The following THRB variants were observed in gnomAD, a reference collection of about 807,000 sequenced individuals.
THRB encodes nuclear receptor subfamily 1 group A member 2.
A neutral mutation model predicts 47.8 loss-of-function variants in THRB; 12 were observed. The ratio of observed to expected loss-of-function variants is 0.25; its 90% CI spans 0.16 to 0.41. The LOEUF (loss-of-function observed/expected upper bound fraction) is 0.41. Among genes scored for constraint, THRB ranks in the 10% least tolerant of loss-of-function variants. THRB has a pLI of 1.00. For missense variants in THRB, 348 were observed against 589.2 expected, an observed-to-expected ratio of 0.59 and a Z score of 4.24; for synonymous variants, 218 against 212.2, an observed-to-expected ratio of 1.03 and a Z score of -0.24.
intron 1 of THRB, among the ~76,000 whole-genome samples, chr3:24,425,266 T>A (rs1489087967): frequency 6.6e-6 from 1 of 151,868 alleles, no homozygotes; most frequent in Non-Finnish European, 1.5e-5. Context: ...GTACCACAGT[T>A]CTTGCTATAT....
intron 3 of THRB, among the ~76,000 whole-genome samples, chr3:24,246,100 A>T (rs1461861209): frequency 1.3e-5 from 2 of 152,120 alleles, no homozygotes; most frequent in African/African-American, 4.8e-5. Context: ...CATGTCCCTT[A>T]CGGAGATGTT....
chr3:24,313,212 G>C (rs1255830559), intron 2 of THRB, among the ~76,000 whole-genome samples: 1 of 152,140 alleles, frequency 6.6e-6, no homozygotes, highest in Non-Finnish European at 1.5e-5. Flanking sequence ...ATCAGGTCCA[G>C]TCTCCAACCT....
intron 1 of THRB, among the ~76,000 whole-genome samples, chr3:24,435,481 C>A (rs2125329540): frequency 6.6e-6 from 1 of 152,278 alleles, no homozygotes; most frequent in African/African-American, 2.4e-5. Context: ...ATGGGCACCA[C>A]AGAGCCACAT....
chr3:24,161,617 A>AACACACAC (rs58600238), intron 5 of THRB, among the ~76,000 whole-genome samples: 13,966 of 141,052 alleles, frequency 0.099, 746 homozygotes, highest in South Asian at 0.13. Context: ...AGAGCTACAG[A>AACACACAC]ACACACACAC....
chr3:24,252,821 G>C (rs775952306), intron 3 of THRB, among the ~76,000 whole-genome samples: 1 of 151,866 alleles, frequency 6.6e-6, no homozygotes, highest in Non-Finnish European at 1.5e-5. Flanking sequence ...CAGTGTACAC[G>C]GTATGTGACA....
At chr3:24,375,530 ATTAG>A (rs946852133) in intron 1 of THRB, among the ~76,000 whole-genome samples, 8 of 147,312 alleles carry the variant, frequency 5.4e-5, no homozygotes, top group Non-Finnish European at 7.5e-5. Context: ...ATATTAATAT[ATTAG>A]TTAGACATAT....
At chr3:24,126,417 G>C (rs71328469) in intron 10 of THRB, among the ~76,000 whole-genome samples, 2,569 of 152,264 alleles carry the variant, frequency 0.017, 26 homozygotes, top group Non-Finnish European at 0.027. Flanking sequence ...GAGTTAACCA[G>C]GAAGCAGCAA....
intron 1 of THRB, among the ~76,000 whole-genome samples, chr3:24,420,778 A>C (rs2069174926): frequency 6.6e-6 from 1 of 151,928 alleles, no homozygotes; most frequent in Admixed American, 6.6e-5. Context: ...ACCATTGTGG[A>C]AGAAATTGTG....
At chr3:24,468,854 G>GCATAGTTGCCACAAACTTTCAGTCA (rs544982595) in intron 1 of THRB, among the ~76,000 whole-genome samples, 1 of 152,176 alleles carries the variant, frequency 6.6e-6, no homozygotes, top group Non-Finnish European at 1.5e-5. Flanking sequence ...TCTGCTTGAC[G>GCATAGTTGCCACAAACTTTCAGTCA]CATAGTTGCC....
At chr3:24,180,586 T>C (rs2041768376) in intron 5 of THRB, among the ~76,000 whole-genome samples, 1 of 152,204 alleles carries the variant, frequency 6.6e-6, no homozygotes, top group South Asian at 2.1e-4. Context: ...AATTTCTGAC[T>C]CTAATCTTAC....
intron 1 of THRB, among the ~76,000 whole-genome samples, chr3:24,401,207 T>G (rs1380320023): frequency 1.3e-5 from 2 of 152,148 alleles, no homozygotes; most frequent in African/African-American, 4.8e-5. Flanking sequence ...GTAGTTAGAT[T>G]AAGCAATAAA....
chr3:24,243,068 GAA>G (rs71057662), intron 3 of THRB, among the ~76,000 whole-genome samples: 4,261 of 91,814 alleles, frequency 0.046, 164 homozygotes, highest in Middle Eastern at 0.053. Flanking sequence ...GCGCACCTTT[GAA>G]AAAAAAAAAA....
chr3:24,158,710 G>A (rs1456568631), intron 5 of THRB, among the ~76,000 whole-genome samples: 3 of 152,220 alleles, frequency 2.0e-5, no homozygotes, highest in Non-Finnish European at 4.4e-5. Context: ...GATTATAGGC[G>A]TGAGCCACTG....
chr3:24,167,672 C>T (rs548894595), intron 5 of THRB, among the ~76,000 whole-genome samples: 1 of 152,108 alleles, frequency 6.6e-6, no homozygotes, highest in Admixed American at 6.6e-5. Flanking sequence ...TTAAGAGCTG[C>T]GTGTTGAATC....
intron 1 of THRB, among the ~76,000 whole-genome samples, chr3:24,457,195 C>T (rs1004649898): frequency 9.2e-5 from 14 of 152,142 alleles, no homozygotes; most frequent in African/African-American, 3.4e-4. Context: ...CTAACTAAGC[C>T]TGTATTACCA....
intron 4 of THRB, among the ~76,000 whole-genome samples, chr3:24,208,395 A>G (rs1227740484): frequency 6.6e-6 from 1 of 152,204 alleles, no homozygotes; most frequent in Non-Finnish European, 1.5e-5. Flanking sequence ...TGCCAAGACA[A>G]TCCTAAGCCA....
At chr3:24,265,741 C>T (rs1045857860) in intron 3 of THRB, among the ~76,000 whole-genome samples, 4 of 151,954 alleles carry the variant, frequency 2.6e-5, no homozygotes, top group Non-Finnish European at 4.4e-5. Flanking sequence ...AATGTCCAAT[C>T]GTAGATTATT....
intron 4 of THRB, among the ~76,000 whole-genome samples, chr3:24,198,905 C>T (rs1461549712): frequency 6.6e-6 from 1 of 152,030 alleles, no homozygotes; most frequent in Non-Finnish European, 1.5e-5. Context: ...CCACTGGCTC[C>T]TAAGGGAATT....
intron 1 of THRB, among the ~76,000 whole-genome samples, chr3:24,424,386 T>C (rs369384577): frequency 7.2e-5 from 11 of 152,080 alleles, no homozygotes; most frequent in Middle Eastern, 3.4e-3. Context: ...CCGAGGCAAA[T>C]GGCAAAGCCA....
Sources: allele counts gnomAD v4.1 joint callset (sites outside exome capture counted in the v4.1 genomes callset), GRCh38; gene constraint gnomAD v4.1.1; transcripts MANE v1.5; gene names NCBI Gene and HGNC (gene_info 2026-07-23, HGNC 2026-07-21).